The following MAML3 variants were observed in gnomAD, a reference collection of about 807,000 sequenced individuals.
MAML3 encodes mastermind like transcriptional coactivator 3, also known as mastermind-like protein 3.
In MAML3, 27 loss-of-function variants were observed where a neutral mutation model predicts 101.9. That is an observed-to-expected ratio of 0.27 (90% CI 0.20 to 0.37). The LOEUF (loss-of-function observed/expected upper bound fraction) is 0.37. Among genes scored for constraint, MAML3 ranks in the 10% least tolerant of loss-of-function variants. The pLI is 1.00. For synonymous variants in MAML3, 501 were observed against 555.9 expected (o/e 0.90, Z 1.39); for missense variants, 1,316 against 1,444.9 (o/e 0.91, Z 1.45).
intron 2 of MAML3, among the ~76,000 whole-genome samples, chr4:139,831,009 CT>C (rs1482071735): frequency 1.3e-5 from 2 of 152,194 alleles, no homozygotes; most frequent in Non-Finnish European, 2.9e-5. Context: ...ACTCCACATT[CT>C]GGCGATAAGG....
intron 1 of MAML3, among the ~76,000 whole-genome samples, chr4:140,069,295 C>G (rs897424577): frequency 6.6e-6 from 1 of 150,712 alleles, no homozygotes; most frequent in Non-Finnish European, 1.5e-5. Flanking sequence ...GCATTCCAGC[C>G]AGGGTGACAC....
intron 1 of MAML3, among the ~76,000 whole-genome samples, chr4:140,095,889 G>C (rs1023781741): frequency 1.3e-5 from 2 of 152,150 alleles, no homozygotes; most frequent in African/African-American, 4.8e-5. Flanking sequence ...CCTCCAGACT[G>C]GGCTAAGTGC....
intron 2 of MAML3, among the ~76,000 whole-genome samples, chr4:139,831,526 A>G (rs936960976): frequency 1.3e-5 from 2 of 152,184 alleles, no homozygotes; most frequent in Non-Finnish European, 2.9e-5. Context: ...GCCTAGCAAG[A>G]TATTCTATCC....
At position 140,147,192 on chromosome 4, in the gene MAML3, G is replaced by A. The variant is rs187499474; in HGVS notation, c.468+5668C>T. Among the ~76,000 whole-genome samples, 784 of 147,914 alleles carry A rather than the reference G, an allele frequency of 5.3e-3. 5 individuals are homozygous for A. Among genetic ancestry groups the A allele is most frequent in the Non-Finnish European group, 8.5e-3 (574 of 67,176 alleles). ...CCTTGAATCTGGCTAGAATAATACT[G>A]AAAATCTACAGAGAATATATATTGT... On this transcript the variant is annotated intron_variant, in intron 1 of 4. Coordinates refer to ENST00000509479, the MANE Select transcript of MAML3 (RefSeq NM_018717.5).
At chr4:140,105,731 A>C (rs959463798) in intron 1 of MAML3, among the ~76,000 whole-genome samples, 2 of 152,146 alleles carry the variant, frequency 1.3e-5, no homozygotes, top group African/African-American at 2.4e-5. Context: ...GAGGAAAAAA[A>C]CAAAATCCTC....
chr4:140,057,397 TAAAAC>T (rs1727367882), intron 1 of MAML3, among the ~76,000 whole-genome samples: 1 of 152,148 alleles, frequency 6.6e-6, no homozygotes, highest in South Asian at 2.1e-4. Context: ...TTACCAACAT[TAAAAC>T]AGAAGAAACC....
rs1560798508 is a variant in MAML3 at position 139,801,643 on chromosome 4, G to GTGT, written c.2080-70977_2080-70976insACA. 6.1e-3 allele frequency among the ~76,000 whole-genome samples: 187 copies of GTGT among 30,752 alleles called. 2 individuals are homozygous for GTGT. The highest frequency in any genetic ancestry group is 0.014 in the African/African-American group (162 of 11,566). The allele number at this position is 30,752 out of a possible 152,430, so 20.2% of individuals were successfully genotyped here. A position where few individuals can be genotyped will look rare whatever the true frequency, so the allele number is the denominator to read the frequency against. ...AAAGAGCAGGAACAGGGTGTGTGTG[G>GTGT]GTGTGTGTGTGTGTGTGTGTGTGTG... On this transcript the variant is annotated intron_variant, in intron 2 of 4. Coordinates refer to ENST00000509479, the MANE Select transcript of MAML3 (RefSeq NM_018717.5).
chr4:139,718,108 G>T lies in MAML3; in HGVS notation c.*1215C>A, dbSNP rs560436878. On this transcript the variant is annotated 3_prime_UTR_variant, in exon 5 of 5. Transcript: ENST00000509479. Reference sequence around the variant, plus strand: ...TTTAGAGCATCACTCCCAGGATTTCGCCCAAAGGGAGCCTGAACCAGTGAC... The same window carrying T: ...TTTAGAGCATCACTCCCAGGATTTCTCCCAAAGGGAGCCTGAACCAGTGAC... 1 of 152,088 alleles carries T rather than the reference G, an allele frequency of 6.6e-6. No individual in the cohort carries two copies. The highest frequency in any genetic ancestry group is 2.1e-4 in the South Asian group (1 of 4,824). The allele number at this position is 152,088 out of a possible 1,614,324, so 9.4% of individuals were successfully genotyped here.
intron 2 of MAML3, among the ~76,000 whole-genome samples, chr4:139,886,791 C>T (rs1281145544): frequency 1.3e-5 from 2 of 152,130 alleles, no homozygotes; most frequent in Non-Finnish European, 2.9e-5. Flanking sequence ...AGATAAAACA[C>T]ATTCAAAATT....
Position 139,890,390 on chromosome 4 carries a change from G to A in MAML3, c.1046C>T (p.Pro349Leu). ...CACGCTCGCACTCTCCTGGGAGAGA[G>A]GGGTCTCAGTTGCTGGCTGCGAGAA... ...PEFSQPATET[P>L]LSQESASVKS... The change falls in exon 2 of 5, where the codon CCT (proline) becomes CTT (leucine). Residue 349 changes from proline to leucine, a missense_variant. Pro to Leu is a moderately conservative substitution (Grantham distance 98). Transcript: ENST00000509479. This position sits in a 1 kb window ranked among gnomAD's most constrained non-coding sequence, Gnocchi z 4.1. The A allele has an allele frequency of 1.2e-6, 2 of 1,603,392 alleles. No individual in the cohort carries two copies. Among genetic ancestry groups the A allele is most frequent in the Non-Finnish European group, 1.7e-6 (2 of 1,173,170 alleles).
intron 1 of MAML3, among the ~76,000 whole-genome samples, chr4:139,907,481 G>A (rs1462197830): frequency 2.0e-5 from 3 of 152,130 alleles, no homozygotes; most frequent in African/African-American, 7.2e-5. Context: ...CTTCTGCCAA[G>A]GTTTCTTGAC....
chr4:140,086,348 G>A (rs562810660), intron 1 of MAML3, among the ~76,000 whole-genome samples: 45 of 152,260 alleles, frequency 3.0e-4, no homozygotes, highest in African/African-American at 9.6e-4. Flanking sequence ...ACTCAAACAG[G>A]TCATCTCCAG....
At chr4:140,046,257 C>T (rs115005075) in intron 1 of MAML3, among the ~76,000 whole-genome samples, 2,302 of 152,254 alleles carry the variant, frequency 0.015, 31 homozygotes, top group Middle Eastern at 0.051. Flanking sequence ...GCTCTTTCTC[C>T]TTCAGCGTAA....
intron 1 of MAML3, among the ~76,000 whole-genome samples, chr4:140,145,551 TTTTTGTTTTG>T (rs370089585): frequency 0.014 from 1,862 of 131,188 alleles, 41 homozygotes; most frequent in African/African-American, 0.046. Flanking sequence ...TTTTGAGATT[TTTTTGTTTTG>T]TTTTGTTTTG....
intron 1 of MAML3, among the ~76,000 whole-genome samples, chr4:139,908,966 A>G (rs1732868201): frequency 6.6e-6 from 1 of 152,248 alleles, no homozygotes; most frequent in East Asian, 1.9e-4. Context: ...TGTCACAGAA[A>G]TACATTATGC....
chr4:140,134,782 T>C (rs1474376010), intron 1 of MAML3, among the ~76,000 whole-genome samples: 1 of 152,176 alleles, frequency 6.6e-6, no homozygotes, highest in Non-Finnish European at 1.5e-5. Context: ...ATGGTGACAT[T>C]TGGTGCTCTT....
At chr4:139,754,532 T>G (rs983081768) in intron 2 of MAML3, among the ~76,000 whole-genome samples, 4 of 152,248 alleles carry the variant, frequency 2.6e-5, no homozygotes, top group African/African-American at 4.8e-5. Flanking sequence ...CAATTTTCAC[T>G]ACTTTATGCT....
intron 1 of MAML3, among the ~76,000 whole-genome samples, chr4:139,971,094 A>G (rs559745630): frequency 6.6e-6 from 1 of 152,282 alleles, no homozygotes; most frequent in South Asian, 2.1e-4. Context: ...TTCATATCCC[A>G]GTTTTCCTTT....
intron 1 of MAML3, among the ~76,000 whole-genome samples, chr4:140,098,780 CT>C (rs1414394206): frequency 6.6e-6 from 1 of 152,256 alleles, no homozygotes; most frequent in Non-Finnish European, 1.5e-5. Context: ...CACCCACACC[CT>C]GGCCTCCAGG....
Sources: allele counts gnomAD v4.1 joint callset (sites outside exome capture counted in the v4.1 genomes callset), GRCh38; gene constraint gnomAD v4.1.1; non-coding constraint Gnocchi (gnomAD v3.1); transcripts MANE v1.5; gene names NCBI Gene and HGNC (gene_info 2026-07-23, HGNC 2026-07-21).